Variants in PINX1 observed in about 807,000 individuals in gnomAD.
PINX1 encodes PIN2 (TERF1) interacting telomerase inhibitor 1, also known as PIN2/TERF1-interacting telomerase inhibitor 1.
A neutral mutation model predicts 25.4 loss-of-function variants in PINX1; 34 were observed. That is an observed-to-expected ratio of 1.34 (90% confidence interval 1.02 to 1.78). The LOEUF (loss-of-function observed/expected upper bound fraction) is 1.78. Ranked by LOEUF, PINX1 falls within the 40% of genes most tolerant of loss-of-function variation. PINX1 has a pLI of 0.00. For synonymous variants in PINX1, 197 were observed against 147.7 expected (o/e 1.33, Z -2.42); for missense variants, 592 against 404.9 (o/e 1.46, Z -3.97).
chr8:10,839,573 C>T (rs1472753062), intron 1 of PINX1, 165 bp downstream of exon 1: 9 of 681,626 alleles, frequency 1.3e-5, no homozygotes, highest in Non-Finnish European at 2.0e-5. Context: ...TCGGGGAGCT[C>T]TGCGGCGAGC....
chr8:10,818,748 G>C (rs1797776827), intron 6 of PINX1, among the ~76,000 whole-genome samples: 1 of 152,114 alleles, frequency 6.6e-6, no homozygotes, highest in South Asian at 2.1e-4. Context: ...GTGTGATCGT[G>C]GGGTGGGGGC....
intron 6 of PINX1, among the ~76,000 whole-genome samples, chr8:10,780,030 T>C (rs1028675699): frequency 6.6e-6 from 1 of 152,232 alleles, no homozygotes; most frequent in African/African-American, 2.4e-5. Flanking sequence ...CAGGTCATTA[T>C]CTGTGTATAG....
At chr8:10,812,484 G>C (rs1168938927) in intron 6 of PINX1, among the ~76,000 whole-genome samples, 1 of 152,170 alleles carries the variant, frequency 6.6e-6, no homozygotes, top group Non-Finnish European at 1.5e-5. Context: ...CCAAGGAGAC[G>C]TGCACTGTGG....
chr8:10,822,977 C>G (rs1020319044), intron 5 of PINX1, among the ~76,000 whole-genome samples: 2 of 152,136 alleles, frequency 1.3e-5, no homozygotes, highest in Non-Finnish European at 2.9e-5. Context: ...AAATGGCAAA[C>G]ACACAGAACT....
At chr8:10,823,738 C>T (rs73208794) in intron 5 of PINX1, among the ~76,000 whole-genome samples, 14 of 152,046 alleles carry the variant, frequency 9.2e-5, no homozygotes, top group African/African-American at 1.9e-4. Context: ...TAAGGCAGGA[C>T]GATCACTTGA....
At chr8:10,796,724 T>C (rs1010657025) in intron 6 of PINX1, among the ~76,000 whole-genome samples, 3 of 150,308 alleles carry the variant, frequency 2.0e-5, no homozygotes, top group Non-Finnish European at 3.0e-5. Flanking sequence ...CAACTTATAC[T>C]AAGAGCTGTT....
chr8:10,786,252 T>C (rs918483280), intron 6 of PINX1, among the ~76,000 whole-genome samples: 3 of 152,222 alleles, frequency 2.0e-5, no homozygotes, highest in African/African-American at 7.2e-5. Context: ...TAATTGAACA[T>C]CAGAGTTAGG....
chr8:10,807,993 CAA>C (rs1210495650), intron 6 of PINX1, among the ~76,000 whole-genome samples: 1 of 152,076 alleles, frequency 6.6e-6, no homozygotes, highest in Admixed American at 6.5e-5. Context: ...AAGAGGCTAC[CAA>C]AGAGTCTAGA....
intron 6 of PINX1, among the ~76,000 whole-genome samples, chr8:10,783,929 T>C (rs1801669610): frequency 6.6e-6 from 1 of 152,168 alleles, no homozygotes. Flanking sequence ...TGTTTATGAA[T>C]CACTTGTAAC....
At chr8:10,807,227 G>C (rs920700002) in intron 6 of PINX1, among the ~76,000 whole-genome samples, 2 of 151,610 alleles carry the variant, frequency 1.3e-5, no homozygotes, top group African/African-American at 2.4e-5. Flanking sequence ...AAATAACAAT[G>C]AGATAGTAAG....
chr8:10,805,504 A>G (rs113581295), intron 6 of PINX1, among the ~76,000 whole-genome samples: 32,280 of 140,660 alleles, frequency 0.23, 3,733 homozygotes, highest in East Asian at 0.34. Context: ...AGTGGGTGAC[A>G]GAGCACAGGA....
At chr8:10,808,721 T>G (rs1404273529) in intron 6 of PINX1, among the ~76,000 whole-genome samples, 1 of 152,184 alleles carries the variant, frequency 6.6e-6, no homozygotes, top group Non-Finnish European at 1.5e-5. Flanking sequence ...AAAAGATAAT[T>G]TCATCTTGGG....
intron 1 of PINX1, among the ~76,000 whole-genome samples, chr8:10,839,505 A>G (rs7012206): frequency 0.54 from 81,948 of 152,036 alleles, 23,002 homozygotes; most frequent in African/African-American, 0.62. Flanking sequence ...TGATTCTGAG[A>G]ACGGCGTCTC....
At chr8:10,833,558 G>C (rs988242040) in intron 2 of PINX1, 1 of 150,530 alleles carries the variant, frequency 6.6e-6, no homozygotes, top group Admixed American at 7.0e-5. Flanking sequence ...AGACGACTGG[G>C]GTGCGGGAGG....
chr8:10,795,453 T>G (rs1324373602), intron 6 of PINX1, among the ~76,000 whole-genome samples: 2 of 152,218 alleles, frequency 1.3e-5, no homozygotes, highest in Non-Finnish European at 2.9e-5. Context: ...CAGGCTGGAG[T>G]GCGGTGGCGC....
chr8:10,778,162 C>A (rs1435894683), intron 6 of PINX1, among the ~76,000 whole-genome samples: 3 of 152,032 alleles, frequency 2.0e-5, no homozygotes, highest in Non-Finnish European at 4.4e-5. Flanking sequence ...TGGAAAAAAA[C>A]CTAGACTAAG....
Position 10,814,394 on chromosome 8 carries a change from G to A in PINX1, c.471+5799C>T, listed in dbSNP as rs544830801. ...CAGCTGCTGTGTCTGGAGGAAATAC[G>A]AAGCACCAATGAAGTCAGAGGAGAG... On this transcript the variant is annotated intron_variant, in intron 6 of 6. Coordinates refer to ENST00000314787, the MANE Select transcript of PINX1 (RefSeq NM_017884.6). Among the ~76,000 whole-genome samples, 46 of 152,276 alleles carry A rather than the reference G, an allele frequency of 3.0e-4. 1 individual carries two copies. The South Asian group carries it at 8.9e-3, about 30-fold the overall frequency.
intron 1 of PINX1, among the ~76,000 whole-genome samples, chr8:10,835,734 T>C (rs561630705): frequency 1.3e-5 from 2 of 151,162 alleles, no homozygotes; most frequent in Admixed American, 6.6e-5. Context: ...TCAATAAATA[T>C]GTGAATGGAA....
chr8:10,781,193 A>G (rs1267485834), intron 6 of PINX1, among the ~76,000 whole-genome samples: 1 of 152,202 alleles, frequency 6.6e-6, no homozygotes, highest in Non-Finnish European at 1.5e-5. Flanking sequence ...ATATACAAAA[A>G]TCAACTCAAA....
Sources: gnomAD v4.1 joint callset for allele counts (sites outside exome capture counted in the v4.1 genomes callset) on GRCh38, gnomAD v4.1.1 for gene constraint, MANE v1.5 for transcripts, NCBI Gene and HGNC (gene_info 2026-07-23, HGNC 2026-07-21) for gene names.